NPR3: variants seen among roughly 807,000 people sequenced by gnomAD.
NPR3 encodes the protein atrial natriuretic peptide receptor 3.
A neutral mutation model predicts 54.5 loss-of-function variants in NPR3; 34 were observed. The ratio of observed to expected loss-of-function variants is 0.62; its 90% confidence interval spans 0.47 to 0.83. The LOEUF (loss-of-function observed/expected upper bound fraction) is 0.83. Ranked by LOEUF, NPR3 falls within the 40% of genes least tolerant of loss-of-function variation. The pLI is 0.00. For missense variants in NPR3, 674 were observed against 720.8 expected (o/e 0.94, Z 0.74); for synonymous variants, 289 against 297.1 (o/e 0.97, Z 0.28).
intron 1 of NPR3, among the ~76,000 whole-genome samples, chr5:32,722,734 G>A (rs1007373524): frequency 3.3e-5 from 5 of 152,156 alleles, no homozygotes; most frequent in African/African-American, 1.2e-4. Context: ...GGACACCCTG[G>A]CTCTTTGTTC....
At chr5:32,757,978 T>G (rs934824512) in intron 3 of NPR3, among the ~76,000 whole-genome samples, 4 of 152,320 alleles carry the variant, frequency 2.6e-5, no homozygotes, top group African/African-American at 9.6e-5. Context: ...ATAAGCTTTT[T>G]GATGTGCTGC....
intron 3 of NPR3, among the ~76,000 whole-genome samples, chr5:32,743,031 T>C (rs2111960324): frequency 6.6e-6 from 1 of 152,350 alleles, no homozygotes; most frequent in African/African-American, 2.4e-5. Flanking sequence ...TTAAAATATT[T>C]ACAGACTATA....
At chr5:32,723,804 T>G (rs1055266050) in intron 1 of NPR3, among the ~76,000 whole-genome samples, 2 of 152,150 alleles carry the variant, frequency 1.3e-5, no homozygotes, top group Non-Finnish European at 2.9e-5. Flanking sequence ...TTTTGCCACA[T>G]TTGATTTATG....
At chr5:32,719,465 G>A (rs1490753233) in intron 1 of NPR3, among the ~76,000 whole-genome samples, 4 of 152,138 alleles carry the variant, frequency 2.6e-5, no homozygotes, top group African/African-American at 9.7e-5. Flanking sequence ...AATTGTGACA[G>A]TATTGCTTTA....
chr5:32,742,453 C>T, intron 3 of NPR3, among the ~76,000 whole-genome samples: 1 of 151,708 alleles, frequency 6.6e-6, no homozygotes, highest in Non-Finnish European at 1.5e-5. Context: ...AAGACCTCAC[C>T]TCTAAAAAAA....
intron 3 of NPR3, among the ~76,000 whole-genome samples, chr5:32,767,150 T>G (rs1404032241): frequency 2.6e-5 from 4 of 152,224 alleles, no homozygotes; most frequent in Admixed American, 2.6e-4. Flanking sequence ...CACCCAAGTA[T>G]TGGCCAATTA....
At chr5:32,783,268 T>C (rs1742433892) in intron 6 of NPR3, 2 of 390,840 alleles carry the variant, frequency 5.1e-6, no homozygotes, top group Admixed American at 4.4e-5. Flanking sequence ...CTTACTATAA[T>C]CTCTTGGCTA....
intron 1 of NPR3, among the ~76,000 whole-genome samples, chr5:32,699,377 T>C (rs1476916316): frequency 6.6e-6 from 1 of 152,160 alleles, no homozygotes; most frequent in East Asian, 1.9e-4. Context: ...TCATGGTGGT[T>C]TGCTGCACTT....
rs112781787 is a variant in NPR3, at chr5:32,737,935, TTATAA to T, written c.893-924_893-920del. 2.3e-3 allele frequency among the ~76,000 whole-genome samples: 349 copies of T among 152,024 alleles called. 1 individual carries two copies. Among genetic ancestry groups the T allele is most frequent in the African/African-American group, 8.1e-3 (337 of 41,500 alleles). On this transcript the variant is annotated intron_variant, in intron 2 of 7. Coordinates refer to ENST00000265074, the MANE Select transcript of NPR3 (RefSeq NM_001204375.2). ...AATAGAGCTTTTATTATTATTATTA[TTATAA>T]TATATGTGCTTAATAAATGTTAGCA...
intron 3 of NPR3, among the ~76,000 whole-genome samples, chr5:32,766,826 C>T (rs912438143): frequency 6.6e-6 from 1 of 152,182 alleles, no homozygotes; most frequent in Non-Finnish European, 1.5e-5. Flanking sequence ...TCACGTCTGG[C>T]TTATTTAGAG....
rs867014567 is a variant in NPR3 at position 32,729,015 on chromosome 5, T to G, written c.892+4195T>G. Among the ~76,000 whole-genome samples, 14 of 85,518 alleles carry G rather than the reference T, an allele frequency of 1.6e-4. 1 individual carries two copies. The highest frequency in any genetic ancestry group is 6.1e-3 in the Middle Eastern group (1 of 164). The allele number at this position is 85,518 out of a possible 152,430, so 56.1% of individuals were successfully genotyped here. On this transcript the variant is annotated intron_variant, in intron 2 of 7. Transcript: ENST00000265074. ...CTGAATAATATTGTGTGCCTGTGTG[T>G]TTTTTTTTTTTTTTGTTTTGTTTTT... is the stretch of plus-strand genomic sequence containing the variant.
In NPR3 at chr5:32,787,845, A is replaced by G. The variant is rs1312541766; in HGVS notation, c.*1500A>G. ...CTGTCATGAGAGTGCACCGTCTTGG[A>G]ATTACATAACTGGGGTCTTTCCTCA... On this transcript the variant is annotated 3_prime_UTR_variant, in exon 8 of 8. Coordinates refer to ENST00000265074, the MANE Select transcript of NPR3 (RefSeq NM_001204375.2). 4 of 152,228 alleles carry G rather than the reference A, an allele frequency of 2.6e-5. No individual in the cohort carries two copies. The highest frequency in any genetic ancestry group is 5.9e-5 in the Non-Finnish European group (4 of 68,048). 9.4% of individuals were successfully genotyped at this position (152,228 alleles called of 1,614,324 possible).
intron 3 of NPR3, among the ~76,000 whole-genome samples, chr5:32,744,616 G>A (rs1174873897): frequency 6.6e-6 from 1 of 152,116 alleles, no homozygotes; most frequent in Non-Finnish European, 1.5e-5. Context: ...TCATCGGATG[G>A]TAGCTATCAT....
intron 7 of NPR3, among the ~76,000 whole-genome samples, chr5:32,785,635 T>C (rs1476079502): frequency 6.6e-6 from 1 of 152,210 alleles, no homozygotes; most frequent in African/African-American, 2.4e-5. Context: ...CTCAGGCTGA[T>C]CTGTGCTCAG....
intron 1 of NPR3, among the ~76,000 whole-genome samples, chr5:32,696,083 A>G (rs1003533324): frequency 9.2e-5 from 14 of 152,198 alleles, no homozygotes; most frequent in African/African-American, 3.4e-4. Flanking sequence ...GGTATTACTC[A>G]AGAAATCTTT....
At chr5:32,758,236 CT>C (rs1199186412) in intron 3 of NPR3, among the ~76,000 whole-genome samples, 2 of 152,174 alleles carry the variant, frequency 1.3e-5, no homozygotes, top group East Asian at 3.9e-4. Flanking sequence ...TGGTCCTGGA[CT>C]TTTTTTGGTT....
intron 3 of NPR3, among the ~76,000 whole-genome samples, chr5:32,751,065 G>C (rs936191188): frequency 6.6e-6 from 1 of 152,078 alleles, no homozygotes; most frequent in East Asian, 1.9e-4. Context: ...TAGGGATCCT[G>C]TTCCCAGTGT....
chr5:32,694,527 C>T (rs957152574), intron 1 of NPR3, among the ~76,000 whole-genome samples: 2 of 152,044 alleles, frequency 1.3e-5, no homozygotes, highest in African/African-American at 4.8e-5. Context: ...ATGATATCTG[C>T]GTTTTATTTA....
At chr5:32,745,802 C>T (rs544332857) in intron 3 of NPR3, among the ~76,000 whole-genome samples, 9 of 152,274 alleles carry the variant, frequency 5.9e-5, no homozygotes, top group East Asian at 1.9e-4. Flanking sequence ...CCTCAGTGAC[C>T]TGGTTTTCCT....
Sources: allele counts gnomAD v4.1 joint callset (sites outside exome capture counted in the v4.1 genomes callset), GRCh38; gene constraint gnomAD v4.1.1; transcripts MANE v1.5; gene names NCBI Gene and HGNC (gene_info 2026-07-23, HGNC 2026-07-21).